DCLK1: variants seen among roughly 807,000 people sequenced by gnomAD.
DCLK1 encodes the protein serine/threonine-protein kinase DCLK1.
DCLK1 carries 16 observed loss-of-function variants against 86.2 expected under a neutral mutation model. That is an observed-to-expected ratio of 0.19 (90% confidence interval 0.13 to 0.28). DCLK1 has a LOEUF of 0.28. DCLK1 is among the 10% of genes least tolerant of loss of function. DCLK1 has a pLI of 1.00. For synonymous variants in DCLK1, 369 were observed against 370.5 expected (o/e 1.00, Z 0.05); for missense variants, 590 against 940.2 (o/e 0.63, Z 4.87).
At chr13:35,850,284 C>G (rs1870510758) in intron 6 of DCLK1, 3 of 984,644 alleles carry the variant, frequency 3.0e-6, no homozygotes, top group African/African-American at 1.7e-5. Context: ...AAAAAATATG[C>G]CTGCTAGTGC....
intron 3 of DCLK1, among the ~76,000 whole-genome samples, chr13:36,027,734 T>C (rs191563879): frequency 6.2e-4 from 94 of 152,270 alleles, no homozygotes; most frequent in African/African-American, 2.2e-3. Flanking sequence ...CTTTTGTTTG[T>C]TTGTTTGTTT....
Position 35,855,387 on chromosome 13 carries a change from C to T in DCLK1, c.941-794G>A, listed in dbSNP as rs1439430109. ...GATGTATCAGGTCACCTCTATTTTA[C>T]CTGTAAAAATGGCATTACAGCCCCA... is the stretch of plus-strand genomic sequence containing the variant. On this transcript the variant is annotated intron_variant, in intron 5 of 16. Transcript: ENST00000360631. 3.5e-6 allele frequency: 3 copies of T among 869,372 alleles called. No individual in the cohort carries two copies. In the African/African-American group the frequency reaches 5.0e-5, roughly 14 times the overall value. The allele number at this position is 869,372 out of a possible 1,614,324, so 53.9% of individuals were successfully genotyped here. A position where few individuals can be genotyped will look rare whatever the true frequency, so the allele number is the denominator to read the frequency against.
chr13:36,096,962 A>G (rs1885041529), intron 3 of DCLK1, among the ~76,000 whole-genome samples: 1 of 152,188 alleles, frequency 6.6e-6, no homozygotes, highest in Non-Finnish European at 1.5e-5. Context: ...TAAGTGGCTC[A>G]CAGTGCTGAA....
intron 3 of DCLK1, among the ~76,000 whole-genome samples, chr13:36,055,085 G>A (rs1384407901): frequency 2.0e-5 from 3 of 152,100 alleles, no homozygotes; most frequent in South Asian, 2.1e-4. Context: ...CACTGGGTTC[G>A]CTGAAAAGGC....
intron 4 of DCLK1, among the ~76,000 whole-genome samples, chr13:35,903,731 C>CA (rs751624849): frequency 6.7e-6 from 1 of 150,172 alleles, no homozygotes; most frequent in Non-Finnish European, 1.5e-5. Flanking sequence ...TATGCCCTAA[C>CA]AAAATAAAAA....
At chr13:36,030,928 G>A (rs747656272) in intron 3 of DCLK1, among the ~76,000 whole-genome samples, 15 of 152,158 alleles carry the variant, frequency 9.9e-5, no homozygotes, top group East Asian at 1.9e-4. Context: ...AGACCTCTGC[G>A]TCTTGGGAGG....
chr13:35,833,815 G>C lies in DCLK1; in HGVS notation c.1229+2218C>G, dbSNP rs140327617. Among the ~76,000 whole-genome samples, 278 of 152,218 alleles carry C rather than the reference G, an allele frequency of 1.8e-3. 2 individuals carry two copies. Among genetic ancestry groups the C allele is most frequent in the African/African-American group, 6.3e-3 (263 of 41,538 alleles). ...GAAGAATGTTTTCTGATACCTCTGG[G>C]GACAGAGGGCACATGCCATATGTCC... is the stretch of plus-strand genomic sequence containing the variant. On this transcript the variant is annotated intron_variant, in intron 8 of 16. Transcript: ENST00000360631.
chr13:36,113,762 G>A (rs1377927903), intron 2 of DCLK1, among the ~76,000 whole-genome samples: 1 of 152,176 alleles, frequency 6.6e-6, no homozygotes. Flanking sequence ...AGAGATCAAA[G>A]TGATCTCAAA....
chr13:35,849,542 T>G lies in DCLK1; in HGVS notation c.1035+4957A>C, dbSNP rs2225047. The G allele has an allele frequency of 1.4e-4, 140 of 979,654 alleles. No homozygotes were observed. In the African/African-American group the frequency reaches 2.3e-3, roughly 16 times the overall value. The allele number at this position is 979,654 out of a possible 1,614,324, so 60.7% of individuals were successfully genotyped here. On this transcript the variant is annotated intron_variant, in intron 6 of 16. Coordinates refer to ENST00000360631, the MANE Select transcript of DCLK1 (RefSeq NM_001330071.2). ...GCTTAAATACAATAGACCATACACA[T>G]TAAATTAATTTTTAACATTCAGACT...
At chr13:36,131,426 CA>C (rs1342540836), upstream of DCLK1, 1 of 190,620 alleles carries the variant, frequency 5.2e-6, no homozygotes, top group African/African-American at 2.4e-5. Context: ...CTCACTCGCT[CA>C]CACGCCCTCC....
chr13:36,045,377 T>TATATATATATAC (rs568110221), intron 3 of DCLK1, among the ~76,000 whole-genome samples: 8 of 125,056 alleles, frequency 6.4e-5, no homozygotes, highest in East Asian at 2.6e-4. Context: ...TATATATATA[T>TATATATATATAC]TTCAAGGTAA....
intron 4 of DCLK1, among the ~76,000 whole-genome samples, chr13:35,923,672 A>G (rs758092345): frequency 6.6e-6 from 1 of 151,822 alleles, no homozygotes; most frequent in Admixed American, 6.6e-5. Flanking sequence ...TCAGAATACC[A>G]CTCAGGGAAA....
intron 3 of DCLK1, among the ~76,000 whole-genome samples, chr13:36,035,618 A>G (rs1882460734): frequency 6.6e-6 from 1 of 152,208 alleles, no homozygotes; most frequent in Non-Finnish European, 1.5e-5. Flanking sequence ...AGCTCACTGC[A>G]GCGTCGAACT....
intron 15 of DCLK1, among the ~76,000 whole-genome samples, chr13:35,796,050 T>C (rs2086804046): frequency 6.6e-6 from 1 of 152,140 alleles, no homozygotes; most frequent in South Asian, 2.1e-4. Flanking sequence ...TGACAGTTTT[T>C]CCACATTTGA....
intron 6 of DCLK1, chr13:35,849,732 C>G: frequency 6.1e-6 from 6 of 984,878 alleles, no homozygotes; most frequent in Non-Finnish European, 7.2e-6. Flanking sequence ...AAAACACCAG[C>G]AAGATTGAGA....
intron 14 of DCLK1, among the ~76,000 whole-genome samples, chr13:35,806,296 G>GAATT (rs1462788770): frequency 6.6e-6 from 1 of 152,154 alleles, no homozygotes; most frequent in Non-Finnish European, 1.5e-5. Context: ...TGGCAAGATA[G>GAATT]AATTGATCCT....
intron 4 of DCLK1, among the ~76,000 whole-genome samples, chr13:35,876,958 AT>A (rs764944120): frequency 6.6e-6 from 1 of 152,158 alleles, no homozygotes; most frequent in Non-Finnish European, 1.5e-5. Flanking sequence ...GCTCCTAAAG[AT>A]TGCAGCCTAC....
intron 3 of DCLK1, among the ~76,000 whole-genome samples, chr13:36,038,081 T>G (rs990051666): frequency 2.0e-5 from 3 of 152,168 alleles, no homozygotes; most frequent in Non-Finnish European, 4.4e-5. Flanking sequence ...GTCCAGTAAT[T>G]TATTGAATCC....
In DCLK1 at chr13:35,773,580, T is replaced by G. The variant is rs1389742581; in HGVS notation, c.*955A>C. ...GTAGATTGCACAGTGATGACCACAG[T>G]GCGTGGAAAAGCAGGTGAGAAAAAT... On this transcript the variant is annotated 3_prime_UTR_variant, in exon 17 of 17. Transcript: ENST00000360631. The G allele has an allele frequency of 1.3e-5, 2 of 151,504 alleles. No homozygotes were observed. The highest frequency in any genetic ancestry group is 4.9e-5 in the African/African-American group (2 of 41,020). The allele number at this position is 151,504 out of a possible 1,614,324, so 9.4% of individuals were successfully genotyped here.
Sources: gnomAD v4.1 joint callset for allele counts (sites outside exome capture counted in the v4.1 genomes callset) on GRCh38, gnomAD v4.1.1 for gene constraint, MANE v1.5 for transcripts, NCBI Gene and HGNC (gene_info 2026-07-23, HGNC 2026-07-21) for gene names.